The following TRDN variants were observed in gnomAD, a reference collection of about 807,000 sequenced individuals.
The protein encoded by TRDN is triadin in skeletal muscle.
TRDN carries 161 observed loss-of-function variants against 149.7 expected under a neutral mutation model. The observed-to-expected ratio is 1.08, with a 90% CI of 0.95 to 1.23. TRDN has a LOEUF of 1.23. TRDN is among the 50% of genes most tolerant of loss of function. TRDN has a pLI of 0.00. For missense variants in TRDN, 896 were observed against 823.5 expected (o/e 1.09, Z -1.08); for synonymous variants, 294 against 250.5 (o/e 1.17, Z -1.64).
intron 5 of TRDN, among the ~76,000 whole-genome samples, chr6:123,527,449 G>T (rs1306154456): frequency 6.6e-6 from 1 of 151,826 alleles, no homozygotes; most frequent in Non-Finnish European, 1.5e-5. Flanking sequence ...ATCCATTGTT[G>T]GATATAGTTT....
At chr6:123,592,422 T>G (rs906454031) in intron 1 of TRDN, among the ~76,000 whole-genome samples, 1 of 152,168 alleles carries the variant, frequency 6.6e-6, no homozygotes, top group African/African-American at 2.4e-5. Flanking sequence ...TGATATTTAC[T>G]GTCGGGGGAC....
rs142545689 is a variant in TRDN at position 123,593,809 on chromosome 6, C to A, written c.23-22677G>T. ...TTCAACATAAGGTTGTGGGAAGATA[C>A]AATTCAACCTATGACAAATGTTATA... On this transcript the variant is annotated intron_variant, in intron 1 of 40. Coordinates refer to ENST00000334268, the MANE Select transcript of TRDN (RefSeq NM_006073.4). 3.2e-3 allele frequency among the ~76,000 whole-genome samples: 485 copies of A among 152,262 alleles called. 6 individuals carry two copies. The highest frequency in any genetic ancestry group is 0.01 in the African/African-American group (435 of 41,570).
Position 123,316,476 on chromosome 6 carries a change from A to T in TRDN, c.1491T>A (p.Asp497Glu), listed in dbSNP as rs1272052967. The change falls in exon 24 of 41, where the codon GAT becomes GAA. Residue 497 changes from aspartate (D) to glutamate (E), a missense_variant. By Grantham distance (45) the Asp-to-Glu change is conservative. Transcript: ENST00000334268. ...CCTTACCTGCTTTGGACATCTTTTC[A>T]TCTTTTTTAGTTTCAGGTTCTGGGG... ...LKEKEPETKKDEKMSKAGKEV... is the reference protein window; with the variant it reads ...LKEKEPETKKEEKMSKAGKEV... 6 of 1,610,444 alleles carry T rather than the reference A, an allele frequency of 3.7e-6. No individual in the cohort carries two copies. Among genetic ancestry groups the T allele is most frequent in the Non-Finnish European group, 5.1e-6 (6 of 1,177,694 alleles).
intron 1 of TRDN, among the ~76,000 whole-genome samples, chr6:123,582,858 G>C (rs921950720): frequency 6.8e-4 from 19 of 27,824 alleles, no homozygotes; most frequent in Admixed American, 2.0e-3. Flanking sequence ...TGCTTTGAGT[G>C]GGATTGGGGG....
At position 123,218,423 on chromosome 6, in the gene TRDN, A is replaced by C; in HGVS notation, c.*178T>G. On this transcript the variant is annotated 3_prime_UTR_variant, in exon 41 of 41. Coordinates refer to ENST00000334268, the MANE Select transcript of TRDN (RefSeq NM_006073.4). ...CAGATTCTTGAGACTTAGACCCTTAAACATGTCTGCTCATCACTCAATCCA... is the reference window on the plus strand; with the variant it reads ...CAGATTCTTGAGACTTAGACCCTTACACATGTCTGCTCATCACTCAATCCA... 1.6e-6 allele frequency: 1 copy of C among 636,574 alleles called. No individual in the cohort carries two copies. Among genetic ancestry groups the C allele is most frequent in the Non-Finnish European group, 2.6e-6 (1 of 381,216 alleles). 39.4% of individuals were successfully genotyped at this position (636,574 alleles called of 1,614,324 possible). A position where few individuals can be genotyped will look rare whatever the true frequency, so the allele number is the denominator to read the frequency against.
intron 12 of TRDN, among the ~76,000 whole-genome samples, chr6:123,427,136 T>C (rs1408324013): frequency 2.0e-5 from 3 of 151,996 alleles, no homozygotes; most frequent in Non-Finnish European, 4.4e-5. Context: ...TATGCAGATA[T>C]CAATAAAACA....
intron 2 of TRDN, among the ~76,000 whole-genome samples, chr6:123,551,062 T>C (rs946434655): frequency 6.6e-6 from 1 of 151,582 alleles, no homozygotes; most frequent in African/African-American, 2.4e-5. Flanking sequence ...CAAATGAGAT[T>C]TTTATGATGA....
At chr6:123,456,795 C>T (rs566509343) in intron 10 of TRDN, 1 of 455,870 alleles carries the variant, frequency 2.2e-6, no homozygotes, top group Admixed American at 2.4e-5. Flanking sequence ...CTGTTTACTC[C>T]ATCTATGTAA....
intron 22 of TRDN, among the ~76,000 whole-genome samples, chr6:123,332,758 A>C (rs1161806561): frequency 6.6e-6 from 1 of 152,062 alleles, no homozygotes; most frequent in African/African-American, 2.4e-5. Flanking sequence ...TTCTATTCCC[A>C]CCATATTATT....
intron 12 of TRDN, among the ~76,000 whole-genome samples, chr6:123,412,842 A>G (rs1008680778): frequency 2.0e-5 from 3 of 152,292 alleles, no homozygotes; most frequent in East Asian, 1.9e-4. Context: ...AATTCTCATC[A>G]TGTGATAAAA....
At chr6:123,505,556 A>G (rs1778887433) in intron 7 of TRDN, among the ~76,000 whole-genome samples, 2 of 152,178 alleles carry the variant, frequency 1.3e-5, no homozygotes, top group Admixed American at 1.3e-4. Flanking sequence ...ATTTGGCAAC[A>G]ATAAGCTAAC....
chr6:123,475,186 G>A (rs1777408226), intron 9 of TRDN, among the ~76,000 whole-genome samples: 1 of 149,782 alleles, frequency 6.7e-6, no homozygotes, highest in African/African-American at 2.5e-5. Context: ...AAAAAAGAGA[G>A]AAGAATCAAA....
At chr6:123,345,870 G>A (rs183079750) in intron 21 of TRDN, among the ~76,000 whole-genome samples, 6 of 152,090 alleles carry the variant, frequency 3.9e-5, no homozygotes, top group Admixed American at 6.6e-5. Flanking sequence ...ATATAACAGA[G>A]TAACTGACTT....
At chr6:123,388,493 G>C in intron 14 of TRDN, 29 bp downstream of exon 14, 1 of 1,578,562 alleles carries the variant, frequency 6.3e-7, no homozygotes, top group Non-Finnish European at 8.6e-7. Flanking sequence ...ACTCACAAAA[G>C]GCTCAGTGGG....
intron 2 of TRDN, among the ~76,000 whole-genome samples, chr6:123,550,296 G>C (rs924857309): frequency 6.6e-6 from 1 of 151,896 alleles, no homozygotes; most frequent in South Asian, 2.1e-4. Context: ...CAGAGCAGGA[G>C]TGAGCAAGAA....
rs541026832 is a variant in TRDN, at chr6:123,504,231, GC to G, written c.611-331del. Among the ~76,000 whole-genome samples, 33 of 152,134 alleles carry G rather than the reference GC, an allele frequency of 2.2e-4. No individual in the cohort carries two copies. The South Asian group carries it at 6.0e-3, about 28-fold the overall frequency. On this transcript the variant is annotated intron_variant, in intron 7 of 40. Coordinates refer to ENST00000334268, the MANE Select transcript of TRDN (RefSeq NM_006073.4). ...GTCAACAAGGAGGCATTTGTAGCAT[GC>G]AGGGGATGGATGTACAGGAATTTCT...
chr6:123,513,897 A>C (rs1779295646), intron 6 of TRDN, among the ~76,000 whole-genome samples: 1 of 151,742 alleles, frequency 6.6e-6, no homozygotes, highest in African/African-American at 2.4e-5. Context: ...TTAACAAAAC[A>C]AAAAACTTCA....
chr6:123,436,852 A>AT (rs1774586029), intron 12 of TRDN, among the ~76,000 whole-genome samples: 1 of 152,064 alleles, frequency 6.6e-6, no homozygotes, highest in Non-Finnish European at 1.5e-5. Flanking sequence ...TTTACCCCAT[A>AT]TACACAAGCC....
chr6:123,445,418 G>A (rs1775258092), intron 10 of TRDN, among the ~76,000 whole-genome samples: 1 of 122,618 alleles, frequency 8.2e-6, no homozygotes, highest in South Asian at 2.6e-4. Flanking sequence ...CTTCTGCACA[G>A]CAAAAGAAAC....
Sources: allele counts gnomAD v4.1 joint callset (sites outside exome capture counted in the v4.1 genomes callset), GRCh38; gene constraint gnomAD v4.1.1; transcripts MANE v1.5; gene names NCBI Gene and HGNC (gene_info 2026-07-23, HGNC 2026-07-21).